CCDC110: variants seen among roughly 807,000 people sequenced by gnomAD.
CCDC110 encodes coiled-coil domain containing 110.
A neutral mutation model predicts 77.1 loss-of-function variants in CCDC110; 70 were observed. That is an observed-to-expected ratio of 0.91 (90% CI 0.75 to 1.11). The LOEUF is 1.11. CCDC110 is among the 50% of genes least tolerant of loss of function. The pLI is 0.00. For missense variants in CCDC110, 868 were observed against 942.9 expected (o/e 0.92, Z 1.04); for synonymous variants, 295 against 312.5 (o/e 0.94, Z 0.59).
rs548290755 is a variant in CCDC110, at chr4:185,457,540, C to T, written c.2461+586G>A. Among the ~76,000 whole-genome samples, 12 of 152,296 alleles carry T rather than the reference C, an allele frequency of 7.9e-5. No homozygotes were observed. In the South Asian group the frequency reaches 2.5e-3, roughly 32 times the overall value. Reference sequence around the variant, plus strand: ...TCGCTCAGGAGTCTTGTGACTTCCACTAGAACCCACAAAACTGTGGCAGGC... The same window carrying T: ...TCGCTCAGGAGTCTTGTGACTTCCATTAGAACCCACAAAACTGTGGCAGGC... On this transcript the variant is annotated intron_variant, in intron 6 of 6. Coordinates refer to ENST00000307588, the MANE Select transcript of CCDC110 (RefSeq NM_152775.4).
intron 2 of CCDC110, chr4:185,470,581 TA>T: frequency 4.5e-6 from 2 of 447,184 alleles, no homozygotes; most frequent in Non-Finnish European, 4.5e-6. Context: ...AATTCTTACT[TA>T]GCATTCAGAG....
At position 185,470,950 on chromosome 4, in the gene CCDC110, TCACTG is replaced by T. The variant is rs2095665065; in HGVS notation, c.105_109del (p.Cys35Ter). The T allele has an allele frequency of 3.1e-6, 5 of 1,608,750 alleles. No individual in the cohort carries two copies. Among genetic ancestry groups the T allele is most frequent in the Admixed American group, 3.3e-5 (2 of 59,826 alleles). On this transcript the variant is annotated stop_gained and frameshift_variant, in exon 2 of 7. Transcript: ENST00000307588. LOFTEE classifies it high-confidence loss of function. The stretch of plus-strand genomic sequence containing the variant: ...TTACGGTCTGGCGATTTTACCTGTG[TCACTG>T]CAGCCACTTTCCTTCACCCCCTCCG...
chr4:185,463,076 T>C, intron 2 of CCDC110, 27 bp from the exon 3 acceptor site: 1 of 1,581,266 alleles, frequency 6.3e-7, no homozygotes, highest in East Asian at 2.2e-5. Context: ...AAAAACCATG[T>C]GACTTAATTC....
chr4:185,452,475 T>C (rs964541166), intron 6 of CCDC110: 1 of 612,546 alleles, frequency 1.6e-6, no homozygotes. Context: ...GGAGAGAAAG[T>C]TAAGCAGTAG....
At position 185,458,337 on chromosome 4, in the gene CCDC110, T is replaced by G; in HGVS notation, c.2250A>C (p.Val750=). The change falls in exon 6 of 7, where the codon GTA becomes GTC. Residue 750 remains valine, a synonymous_variant. Transcript: ENST00000307588. ...TEDKILLENY[V]RSIENERDTL... ...TATCCCTTTCATTTTCTATGCTTCT[T>G]ACGTAATTTTCTAAAAGTATTTTGT... The G allele has an allele frequency of 6.3e-7, 1 of 1,587,636 alleles. No individual in the cohort carries two copies. Among genetic ancestry groups the G allele is most frequent in the Non-Finnish European group, 8.5e-7 (1 of 1,172,526 alleles).
chr4:185,458,540 C>T lies in CCDC110; in HGVS notation c.2047G>A (p.Ala683Thr), dbSNP rs1227320024. The T allele has an allele frequency of 6.2e-7, 1 of 1,608,096 alleles. No individual in the cohort carries two copies. Among genetic ancestry groups the T allele is most frequent in the Non-Finnish European group, 8.5e-7 (1 of 1,179,106 alleles). ...EENFLQEIKN[A>T]KSEASIYKNS... ...TTATAAATACTTGCTTCTGATTTTG[C>T]ATTTTTTATTTCTTGCAGAAAATTC... Residue 683 changes from alanine (A) to threonine (T), a missense_variant, in exon 6 of 7, where the codon GCA becomes ACA. Coordinates refer to ENST00000307588, the MANE Select transcript of CCDC110 (RefSeq NM_152775.4).
rs2095668530 is a variant in CCDC110 at position 185,471,707 on chromosome 4, A to ACCG, written c.-27_-25dup. On this transcript the variant is annotated 5_prime_UTR_variant, in exon 1 of 7. Transcript: ENST00000307588. ...ATCGCCGCGGCTCATCTCTCTCGCA[A>ACCG]CCGCCGCCGCACGCACCCGCTCCGC... The ACCG allele has an allele frequency of 6.5e-6, 10 of 1,536,736 alleles. No homozygotes were observed. The highest frequency in any genetic ancestry group is 8.7e-6 in the Non-Finnish European group (10 of 1,145,558).
In CCDC110 at chr4:185,459,939, A is replaced by T; in HGVS notation, c.648T>A (p.Asp216Glu). 6.2e-7 allele frequency: 1 copy of T among 1,613,814 alleles called. No homozygotes were observed. Among genetic ancestry groups the T allele is most frequent in the South Asian group, 1.1e-5 (1 of 91,058 alleles). The change falls in exon 6 of 7, where the codon GAT becomes GAA. Residue 216 changes from aspartate (D) to glutamate (E), a missense_variant. Physicochemically the swap from Asp to Glu is conservative, Grantham distance 45. Transcript: ENST00000307588. The stretch of plus-strand genomic sequence containing the variant: ...TTTTGGATTTATCCAGAATTACTGT[A>T]TCAGCTTGAGACATCACATTTGGAG... ...TAPPNVMSQA[D>E]TVILDKSKIT...
chr4:185,468,518 C>T lies in CCDC110; in HGVS notation c.115+2427G>A, dbSNP rs1036731105. ...AAAGCCCTGTCCTGGTTCCTCCCGC[C>T]TACCCTTCCCTACTTGTTCTGCTCC... is the stretch of plus-strand genomic sequence containing the variant. On this transcript the variant is annotated intron_variant, in intron 2 of 6. Coordinates refer to ENST00000307588, the MANE Select transcript of CCDC110 (RefSeq NM_152775.4). This position sits in a 1 kb window ranked among gnomAD's most constrained non-coding sequence, Gnocchi z 4.5. Among the ~76,000 whole-genome samples, 3 of 152,244 alleles carry T rather than the reference C, an allele frequency of 2.0e-5. No individual in the cohort carries two copies. Among genetic ancestry groups the T allele is most frequent in the African/African-American group, 7.2e-5 (3 of 41,464 alleles).
rs1443861275 is a variant in CCDC110, at chr4:185,468,926, C to T, written c.115+2019G>A. 1.3e-5 allele frequency among the ~76,000 whole-genome samples: 2 copies of T among 152,220 alleles called. No individual in the cohort carries two copies. Among genetic ancestry groups the T allele is most frequent in the South Asian group, 2.1e-4 (1 of 4,834 alleles). ...ACTGTTGGATCCCCAGCACCTAGAA[C>T]AGCACTTGAAACTTAGCAGGTGCTC... On this transcript the variant is annotated intron_variant, in intron 2 of 6. Transcript: ENST00000307588. This position sits in a 1 kb window ranked among gnomAD's most constrained non-coding sequence, Gnocchi z 4.5.
intron 4 of CCDC110, 149 bp from the exon 5 acceptor site, chr4:185,461,308 T>A (rs1430775573): frequency 2.0e-6 from 1 of 499,802 alleles, no homozygotes; most frequent in Non-Finnish European, 3.5e-6. Context: ...TGAAAGCTAC[T>A]TAATTTATTG....
At chr4:185,464,166 G>A (rs2095651443) in intron 2 of CCDC110, among the ~76,000 whole-genome samples, 1 of 152,114 alleles carries the variant, frequency 6.6e-6, no homozygotes, top group African/African-American at 2.4e-5. Context: ...CGTTCCCCTA[G>A]GCTGATAATT....
intron 6 of CCDC110, chr4:185,457,816 C>T: frequency 2.1e-6 from 3 of 1,403,258 alleles, no homozygotes; most frequent in Non-Finnish European, 1.9e-6. Context: ...CTTGGAATTC[C>T]TAGGGAAAAA....
At chr4:185,455,201 C>G (rs2095634320) in intron 6 of CCDC110, among the ~76,000 whole-genome samples, 1 of 151,838 alleles carries the variant, frequency 6.6e-6, no homozygotes, top group Admixed American at 6.5e-5. Flanking sequence ...TTAACACTAA[C>G]ACTCTATTTT....
intron 2 of CCDC110, among the ~76,000 whole-genome samples, chr4:185,464,055 CTT>C (rs2095651166): frequency 6.6e-6 from 1 of 152,198 alleles, no homozygotes; most frequent in Non-Finnish European, 1.5e-5. Context: ...TTATATCCCT[CTT>C]TGTCTGCATG....
chr4:185,449,535 G>T, intron 6 of CCDC110: 8 of 965,708 alleles, frequency 8.3e-6, no homozygotes, highest in Non-Finnish European at 1.2e-5. Context: ...AAAAAAAAAA[G>T]AATGTACAGG....
intron 2 of CCDC110, among the ~76,000 whole-genome samples, chr4:185,469,680 G>A (rs1462947778): frequency 5.3e-5 from 8 of 152,220 alleles, no homozygotes; most frequent in Admixed American, 5.2e-4. Context: ...GCGGAGAGGG[G>A]ACTGGCCAGT....
At chr4:185,457,850 A>C in intron 6 of CCDC110, 1 of 1,222,938 alleles carries the variant, frequency 8.2e-7, no homozygotes, top group South Asian at 1.5e-5. Context: ...TTAAGGTGGG[A>C]GTGCTACTTA....
chr4:185,462,823 G>T, intron 3 of CCDC110, 115 bp from the exon 4 acceptor site: 3 of 1,051,618 alleles, frequency 2.9e-6, no homozygotes, highest in South Asian at 1.3e-5. Flanking sequence ...ATCCCGTGAG[G>T]GTCAGGTGGT....
Sources: allele counts gnomAD v4.1 joint callset (sites outside exome capture counted in the v4.1 genomes callset), GRCh38; gene constraint gnomAD v4.1.1; non-coding constraint Gnocchi (gnomAD v3.1); transcripts MANE v1.5; gene names NCBI Gene and HGNC (gene_info 2026-07-23, HGNC 2026-07-21).